MID1: variants seen among roughly 807,000 people sequenced by gnomAD.
The protein encoded by MID1 is E3 ubiquitin-protein ligase Midline-1.
Under a neutral mutation model 40.4 loss-of-function variants are expected in MID1, and 7 were observed. The ratio of observed to expected loss-of-function variants is 0.17; its 90% CI spans 0.10 to 0.33. The LOEUF (loss-of-function observed/expected upper bound fraction) is 0.33, where lower values mean the gene tolerates loss of function less well. MID1 is among the 10% of genes least tolerant of loss of function. MID1 has a pLI of 1.00. For synonymous variants in MID1, 229 were observed against 221.2 expected (o/e 1.04, Z -0.31); for missense variants, 367 against 558.5 (o/e 0.66, Z 3.46).
intron 5 of MID1, among the ~76,000 whole-genome samples, chrX:10,476,791 T>G (rs1424042299): frequency 8.9e-6 from 1 of 111,849 alleles, no homozygotes; most frequent in Non-Finnish European, 1.9e-5. Flanking sequence ...TTTTGTTGAC[T>G]AAATATTGCA....
At chrX:10,492,578 C>G (rs1050766484) in intron 4 of MID1, among the ~76,000 whole-genome samples, 2 of 111,962 alleles carry the variant, frequency 1.8e-5, no homozygotes, top group Admixed American at 9.4e-5. Context: ...AAGCATGAAG[C>G]CTTCTATAGC....
At chrX:10,556,306 A>G (rs1934117747) in intron 2 of MID1, among the ~76,000 whole-genome samples, 1 of 111,101 alleles carries the variant, frequency 9.0e-6, no homozygotes, top group Admixed American at 9.6e-5. Context: ...AACCAGAAAC[A>G]TGAAAGAGCC....
At chrX:10,562,500 A>G (rs189111307) in intron 2 of MID1, among the ~76,000 whole-genome samples, 1 of 105,610 alleles carries the variant, frequency 9.5e-6, no homozygotes, top group East Asian at 2.8e-4. Context: ...AAGATACAAT[A>G]AACTTATTCT....
intron 8 of MID1, 64 bp downstream of exon 8, chrX:10,459,582 G>A (rs1928898014): frequency 1.8e-6 from 2 of 1,120,712 alleles, no homozygotes; most frequent in Non-Finnish European, 2.5e-6. Context: ...AAGAAAGGGG[G>A]ACAGAGTCAG....
At chrX:10,658,428 TAAAAAAAAAAAAAAAAAAAAA>T (rs35116185) in intron 1 of MID1, among the ~76,000 whole-genome samples, 6 of 5,570 alleles carry the variant, frequency 1.1e-3, no homozygotes, top group Non-Finnish European at 1.6e-3. Flanking sequence ...CCTTCAACTG[TAAAAAAAAAAAAAAAAAAAAA>T]AAAAAAAAAA....
rs747904580 is a variant in MID1, at chrX:10,507,259, T to C, written c.757-11568A>G. ...GACAGATGTTACCATCTAACCTTCCTACCTGGGAAACAGAATGGTCTGTTG... is the reference window on the plus strand; with the variant it reads ...GACAGATGTTACCATCTAACCTTCCCACCTGGGAAACAGAATGGTCTGTTG... On this transcript the variant is annotated intron_variant, in intron 3 of 9. Coordinates refer to ENST00000317552, the MANE Select transcript of MID1 (RefSeq NM_000381.4). 7.3e-5 allele frequency among the ~76,000 whole-genome samples: 8 copies of C among 110,041 alleles called. No homozygotes were observed. The South Asian group carries it at 2.9e-3, about 39-fold the overall frequency.
chrX:10,804,394 T>A (rs2406684), intron 1 of MID1, among the ~76,000 whole-genome samples: 2 of 111,431 alleles, frequency 1.8e-5, no homozygotes, highest in Non-Finnish European at 1.9e-5. Context: ...CTGAGGTACA[T>A]AAATAAACCT....
In MID1 at chrX:10,699,589, G is replaced by A. The variant is rs145445095; in HGVS notation, c.-186-79170C>T. The stretch of plus-strand genomic sequence containing the variant: ...TAGAAGGGGCTGATCTTTCCCTGGA[G>A]CAGTTACTTGAGCTTGCCCCTTTTT... On this transcript the variant is annotated intron_variant, in intron 1 of 10. Coordinates refer to the MID1 transcript ENST00000380785. Among the ~76,000 whole-genome samples, 436 of 111,563 alleles carry A rather than the reference G, an allele frequency of 3.9e-3. 2 individuals are homozygous for A. The highest frequency in any genetic ancestry group is 0.013 in the African/African-American group (395 of 30,702).
chrX:10,617,266 C>T, intron 1 of MID1, among the ~76,000 whole-genome samples: 1 of 111,966 alleles, frequency 8.9e-6, no homozygotes, highest in Non-Finnish European at 1.9e-5. Context: ...AAATTGCCAC[C>T]TCATTCTCTC....
chrX:10,496,610 G>C (rs970743181), intron 3 of MID1, among the ~76,000 whole-genome samples: 12 of 112,497 alleles, frequency 1.1e-4, no homozygotes, highest in Non-Finnish European at 2.3e-4. Flanking sequence ...CAATGGCATT[G>C]ATTATTCTAG....
chrX:10,464,368 A>G (rs925406099), intron 7 of MID1, among the ~76,000 whole-genome samples: 3 of 111,869 alleles, frequency 2.7e-5, no homozygotes, highest in Non-Finnish European at 5.6e-5. Flanking sequence ...CAAGTGAGAA[A>G]CCCTAAGTTT....
intron 1 of MID1, among the ~76,000 whole-genome samples, chrX:10,740,619 T>A (rs1602549596): frequency 8.9e-6 from 1 of 112,200 alleles, no homozygotes; most frequent in South Asian, 3.7e-4. Flanking sequence ...GTTTCTTTCC[T>A]TTCTCAGCCT....
At chrX:10,818,293 C>G (rs5978421) in intron 1 of MID1, among the ~76,000 whole-genome samples, 1 of 111,178 alleles carries the variant, frequency 9.0e-6, no homozygotes, top group African/African-American at 3.3e-5. Flanking sequence ...AAATCACTAA[C>G]TATTTTAGTA....
chrX:10,514,535 C>G (rs765112969), intron 3 of MID1, among the ~76,000 whole-genome samples: 1 of 112,110 alleles, frequency 8.9e-6, no homozygotes, highest in South Asian at 3.7e-4. Context: ...TTAAATTTAA[C>G]CTCTACCAAG....
chrX:10,536,684 G>A (rs913007342), intron 2 of MID1, among the ~76,000 whole-genome samples: 1 of 112,248 alleles, frequency 8.9e-6, no homozygotes, highest in East Asian at 2.8e-4. Context: ...TTCTCAAAAT[G>A]TAGCTTGGCC....
chrX:10,717,666 G>C (rs2043315679), intron 1 of MID1, among the ~76,000 whole-genome samples: 1 of 109,172 alleles, frequency 9.2e-6, no homozygotes, highest in Admixed American at 9.8e-5. Flanking sequence ...GGATATCCAG[G>C]AACTGAACTC....
chrX:10,774,803 G>T (rs2043791391), intron 1 of MID1, among the ~76,000 whole-genome samples: 1 of 111,533 alleles, frequency 9.0e-6, no homozygotes, highest in Non-Finnish European at 1.9e-5. Flanking sequence ...GGTAGTCAAA[G>T]TCTTTCGTCA....
At chrX:10,534,561 G>T (rs1193078188) in intron 2 of MID1, among the ~76,000 whole-genome samples, 1 of 111,343 alleles carries the variant, frequency 9.0e-6, no homozygotes, top group African/African-American at 3.3e-5. Context: ...GAATTTTTTA[G>T]GTTTTAGAGG....
At chrX:10,823,436 T>C (rs980081363) in intron 1 of MID1, among the ~76,000 whole-genome samples, 1 of 111,630 alleles carries the variant, frequency 9.0e-6, no homozygotes, top group Non-Finnish European at 1.9e-5. Flanking sequence ...TTTACCTATG[T>C]AACAAATCTG....
Sources: gnomAD v4.1 joint callset for allele counts (sites outside exome capture counted in the v4.1 genomes callset) on GRCh38, gnomAD v4.1.1 for gene constraint, MANE v1.5 for transcripts, NCBI Gene and HGNC (gene_info 2026-07-23, HGNC 2026-07-21) for gene names.